Variants in DOCK3 observed in about 807,000 individuals in gnomAD.
DOCK3 encodes the protein dedicator of cytokinesis protein 3.
A neutral mutation model predicts 265.6 loss-of-function variants in DOCK3; 60 were observed. The ratio of observed to expected loss-of-function variants is 0.23; its 90% CI spans 0.18 to 0.28. DOCK3 has a LOEUF of 0.28. DOCK3 is among the 10% of genes least tolerant of loss of function. The probability of loss-of-function intolerance (pLI) is 1.00; values close to 1 mark genes in which losing one functional copy is unlikely to be tolerated. For synonymous variants in DOCK3, 881 were observed against 938.0 expected (o/e 0.94, Z 1.11); for missense variants, 1,981 against 2,594.3 (o/e 0.76, Z 5.14).
intron 3 of DOCK3, among the ~76,000 whole-genome samples, chr3:50,867,405 T>C (rs951263736): frequency 1.2e-4 from 19 of 152,154 alleles, no homozygotes; most frequent in Non-Finnish European, 1.3e-4. Flanking sequence ...AATTGGATTC[T>C]CTGTGTTTTT....
chr3:50,758,777 T>G (rs1190348503), intron 1 of DOCK3, among the ~76,000 whole-genome samples: 1 of 152,212 alleles, frequency 6.6e-6, no homozygotes, highest in Non-Finnish European at 1.5e-5. Flanking sequence ...TCTCTTTTGA[T>G]GAGGGTACAT....
intron 1 of DOCK3, among the ~76,000 whole-genome samples, chr3:50,762,716 GT>G (rs898559714): frequency 1.1e-4 from 17 of 148,448 alleles, no homozygotes; most frequent in African/African-American, 1.5e-4. Flanking sequence ...ATATTCTGAG[GT>G]TTTTTTTTTA....
intron 6 of DOCK3, among the ~76,000 whole-genome samples, chr3:51,068,958 A>G (rs1294855704): frequency 2.0e-5 from 3 of 152,214 alleles, no homozygotes; most frequent in African/African-American, 7.2e-5. Context: ...ACATCTAGAT[A>G]ACAATTTTTT....
At chr3:50,778,110 A>G (rs2041711302) in intron 1 of DOCK3, among the ~76,000 whole-genome samples, 1 of 151,942 alleles carries the variant, frequency 6.6e-6, no homozygotes, top group Admixed American at 6.6e-5. Context: ...TTGTATTCTT[A>G]TATGAATTTT....
intron 3 of DOCK3, among the ~76,000 whole-genome samples, chr3:50,844,277 A>G (rs1183328154): frequency 6.6e-6 from 1 of 152,210 alleles, no homozygotes; most frequent in Non-Finnish European, 1.5e-5. Context: ...GTCCAGTGGC[A>G]TGATTATAGC....
chr3:51,045,429 A>G (rs1233079731), intron 5 of DOCK3, among the ~76,000 whole-genome samples: 2 of 152,156 alleles, frequency 1.3e-5, no homozygotes, highest in African/African-American at 4.8e-5. Context: ...CACACAGTTC[A>G]CCATAACAGA....
chr3:50,765,898 C>G (rs568306012), intron 1 of DOCK3, among the ~76,000 whole-genome samples: 1 of 152,240 alleles, frequency 6.6e-6, no homozygotes, highest in South Asian at 2.1e-4. Context: ...TTGACCAAAC[C>G]TCTAACCATT....
chr3:50,801,224 G>T (rs1278204771), intron 2 of DOCK3, among the ~76,000 whole-genome samples: 1 of 152,114 alleles, frequency 6.6e-6, no homozygotes, highest in Non-Finnish European at 1.5e-5. Context: ...GACACATGTG[G>T]CCCCTGCTGC....
intron 9 of DOCK3, among the ~76,000 whole-genome samples, chr3:51,139,108 A>G (rs1005074785): frequency 2.0e-5 from 3 of 152,150 alleles, no homozygotes; most frequent in African/African-American, 7.2e-5. Context: ...ACTAGGGGTC[A>G]TCTTCACTCC....
intron 27 of DOCK3, among the ~76,000 whole-genome samples, chr3:51,287,634 T>G (rs1248432791): frequency 3.3e-5 from 5 of 152,036 alleles, no homozygotes. Context: ...AGTCAAAAAA[T>G]AACAAATGCT....
intron 22 of DOCK3, among the ~76,000 whole-genome samples, chr3:51,253,790 T>A (rs2079394078): frequency 6.6e-6 from 1 of 152,182 alleles, no homozygotes; most frequent in African/African-American, 2.4e-5. Context: ...GTCCATCAAT[T>A]TTGTTGATCT....
chr3:51,216,455 A>T (rs914205751), intron 14 of DOCK3, among the ~76,000 whole-genome samples: 11 of 152,138 alleles, frequency 7.2e-5, no homozygotes, highest in Non-Finnish European at 1.5e-4. Flanking sequence ...CAAGGCAGAG[A>T]TACTGGGCAG....
chr3:51,002,761 A>G (rs111639816), intron 5 of DOCK3, among the ~76,000 whole-genome samples: 1 of 152,158 alleles, frequency 6.6e-6, no homozygotes, highest in Admixed American at 6.5e-5. Context: ...TTCCCTTGTC[A>G]TTTTGGATAA....
At chr3:50,703,948 A>G (rs1322969767) in intron 1 of DOCK3, among the ~76,000 whole-genome samples, 3 of 151,202 alleles carry the variant, frequency 2.0e-5, no homozygotes, top group Non-Finnish European at 3.0e-5. Flanking sequence ...TGCTTTTTCC[A>G]TATCCCATAG....
intron 22 of DOCK3, among the ~76,000 whole-genome samples, chr3:51,250,589 A>C (rs2079161718): frequency 6.6e-6 from 1 of 152,232 alleles, no homozygotes; most frequent in Non-Finnish European, 1.5e-5. Context: ...GCTGCACTCC[A>C]GCCTGGGTGA....
intron 5 of DOCK3, among the ~76,000 whole-genome samples, chr3:51,041,144 C>T (rs1303311311): frequency 4.1e-5 from 5 of 121,260 alleles, no homozygotes; most frequent in Non-Finnish European, 8.1e-5. Context: ...ATCTATGGCA[C>T]CTACAGCCTT....
chr3:50,736,269 A>G (rs527661241), intron 1 of DOCK3, among the ~76,000 whole-genome samples: 9 of 152,258 alleles, frequency 5.9e-5, no homozygotes, highest in Non-Finnish European at 1.2e-4. Context: ...CATGGTGTAT[A>G]TGTGCCACAT....
Position 51,183,794 on chromosome 3 carries a change from G to A in DOCK3, c.1037+23092G>A, listed in dbSNP as rs183074715. ...GTTATAGATTGGAATGCCTCACACA[G>A]CAGTGGGGTAGGGTTGGAGACATTG... On this transcript the variant is annotated intron_variant, in intron 12 of 52. Transcript: ENST00000266037. Among the ~76,000 whole-genome samples, 3 of 152,306 alleles carry A rather than the reference G, an allele frequency of 2.0e-5. No homozygotes were observed. The East Asian group carries it at 5.8e-4, about 29-fold the overall frequency.
At chr3:51,199,702 G>A (rs1323705210) in intron 12 of DOCK3, among the ~76,000 whole-genome samples, 9 of 152,250 alleles carry the variant, frequency 5.9e-5, no homozygotes, top group East Asian at 1.9e-4. Flanking sequence ...CTCCCAGCAC[G>A]CAGCTGGAGA....
Sources: allele counts gnomAD v4.1 joint callset (sites outside exome capture counted in the v4.1 genomes callset), GRCh38; gene constraint gnomAD v4.1.1; transcripts MANE v1.5; gene names NCBI Gene and HGNC (gene_info 2026-07-23, HGNC 2026-07-21).